The following PCDHA7 variants were observed in gnomAD, a reference collection of about 807,000 sequenced individuals.
PCDHA7 encodes the protein protocadherin alpha-7.
In PCDHA7, 37 loss-of-function variants were observed where a neutral mutation model predicts 57.2. The observed-to-expected ratio is 0.65, with a 90% CI of 0.50 to 0.85. The LOEUF (loss-of-function observed/expected upper bound fraction) is 0.85, where lower values mean the gene tolerates loss of function less well. Among genes scored for constraint, PCDHA7 ranks in the 40% least tolerant of loss-of-function variants. The pLI is 0.00. For synonymous variants in PCDHA7, 553 were observed against 558.8 expected (o/e 0.99, Z 0.15); for missense variants, 1,188 against 1,241.8 (o/e 0.96, Z 0.65).
chr5:140,846,178 G>T (rs2150385394), intron 1 of PCDHA7, among the ~76,000 whole-genome samples: 1 of 149,272 alleles, frequency 6.7e-6, no homozygotes, highest in Non-Finnish European at 1.5e-5. Context: ...GCCTGAGTAG[G>T]CGTTTGAGTT....
intron 1 of PCDHA7, among the ~76,000 whole-genome samples, chr5:140,897,966 T>C (rs1339473229): frequency 5.3e-5 from 8 of 152,276 alleles, no homozygotes; most frequent in African/African-American, 1.9e-4. Flanking sequence ...TTCATGTGTC[T>C]TTTGGCTGCA....
intron 1 of PCDHA7, among the ~76,000 whole-genome samples, chr5:140,942,875 C>A (rs1003014974): frequency 2.0e-5 from 3 of 151,896 alleles, no homozygotes; most frequent in African/African-American, 7.3e-5. Flanking sequence ...AGCATGACAA[C>A]TTTTTTCCTA....
At chr5:140,860,049 G>C (rs2046155952) in intron 1 of PCDHA7, 1 of 151,206 alleles carries the variant, frequency 6.6e-6, no homozygotes, top group Non-Finnish European at 1.5e-5. Context: ...AGCATTTTGA[G>C]AGGCCAAGGT....
intron 1 of PCDHA7, among the ~76,000 whole-genome samples, chr5:140,915,458 G>A (rs1172885235): frequency 6.6e-6 from 1 of 152,126 alleles, no homozygotes; most frequent in Non-Finnish European, 1.5e-5. Context: ...TTTCCAGAAG[G>A]TTTTTATTTG....
chr5:140,916,733 A>G (rs1242424937), intron 1 of PCDHA7, among the ~76,000 whole-genome samples: 1 of 152,146 alleles, frequency 6.6e-6, no homozygotes, highest in Non-Finnish European at 1.5e-5. Flanking sequence ...TTGTTGCTGC[A>G]AGCTTCACTG....
intron 1 of PCDHA7, among the ~76,000 whole-genome samples, chr5:140,932,376 A>G (rs2088262778): frequency 6.6e-6 from 1 of 151,964 alleles, no homozygotes; most frequent in African/African-American, 2.4e-5. Context: ...TTTCCACATG[A>G]AAGTTATACA....
chr5:140,997,133 C>G (rs1554255761), intron 3 of PCDHA7, among the ~76,000 whole-genome samples: 1 of 152,092 alleles, frequency 6.6e-6, no homozygotes, highest in Non-Finnish European at 1.5e-5. Flanking sequence ...ACAATGCCCC[C>G]ACACCCCCGC....
At chr5:140,919,376 CAT>C (rs1245050758) in intron 1 of PCDHA7, among the ~76,000 whole-genome samples, 1 of 152,192 alleles carries the variant, frequency 6.6e-6, no homozygotes, top group Non-Finnish European at 1.5e-5. Context: ...GCAGACAACA[CAT>C]AGTTGGATGT....
intron 1 of PCDHA7, among the ~76,000 whole-genome samples, chr5:140,961,947 G>A (rs1183967245): frequency 6.6e-6 from 1 of 150,956 alleles, no homozygotes; most frequent in Non-Finnish European, 1.5e-5. Flanking sequence ...GCAGTGGCAT[G>A]ATCTCGGCTC....
At chr5:140,941,204 T>TTTCC (rs1348435161) in intron 1 of PCDHA7, among the ~76,000 whole-genome samples, 2 of 88,662 alleles carry the variant, frequency 2.3e-5, no homozygotes, top group Non-Finnish European at 4.4e-5. Flanking sequence ...TCTTTCTTCC[T>TTTCC]TTCTTTCTTC....
At chr5:140,998,906 AG>A (rs1267220398) in intron 3 of PCDHA7, among the ~76,000 whole-genome samples, 10 of 152,208 alleles carry the variant, frequency 6.6e-5, no homozygotes, top group Non-Finnish European at 1.5e-5. Context: ...TGCCTCCGGG[AG>A]GTAGCTATTA....
At position 140,849,713 on chromosome 5, in the gene PCDHA7, G is replaced by A. The variant is rs2150446260; in HGVS notation, c.2355+12975G>A. ...TGTCCACCTACAAGAATTACTACTC[G>A]TTGGTGCTGGACAGAGCTCTGGACC... On this transcript the variant is annotated intron_variant, in intron 1 of 3. Transcript: ENST00000525929. The A allele has an allele frequency of 6.6e-5, 105 of 1,598,450 alleles. 8 individuals carry two copies. Among genetic ancestry groups the A allele is most frequent in the Middle Eastern group, 1.7e-4 (1 of 5,910 alleles).
At chr5:140,992,807 C>G (rs781970284) in intron 3 of PCDHA7, among the ~76,000 whole-genome samples, 6 of 152,108 alleles carry the variant, frequency 3.9e-5, no homozygotes, top group Non-Finnish European at 4.4e-5. Flanking sequence ...CCATATGTAT[C>G]TAAGGATGTG....
rs1781486578 is a variant in PCDHA7, at chr5:140,848,384, T to G, written c.2355+11646T>G. Reference sequence around the variant, plus strand: ...GGAAAGAGGCTCAATTCTTTTTCACTCTCTCTGTGCTGAACGATGGCGAAC... The same window carrying G: ...GGAAAGAGGCTCAATTCTTTTTCACGCTCTCTGTGCTGAACGATGGCGAAC... On this transcript the variant is annotated intron_variant, in intron 1 of 3. Transcript: ENST00000525929. 4 of 1,203,868 alleles carry G rather than the reference T, an allele frequency of 3.3e-6. No homozygotes were observed. In the East Asian group the frequency reaches 9.3e-5, roughly 28 times the overall value. The allele number at this position is 1,203,868 out of a possible 1,614,324, so 74.6% of individuals were successfully genotyped here. A position where few individuals can be genotyped will look rare whatever the true frequency, so the allele number is the denominator to read the frequency against.
At chr5:140,896,706 T>C (rs188797791) in intron 1 of PCDHA7, among the ~76,000 whole-genome samples, 169 of 152,248 alleles carry the variant, frequency 1.1e-3, no homozygotes, top group East Asian at 5.2e-3. Context: ...AGGTTGTTTG[T>C]TTTTTGCTTG....
intron 1 of PCDHA7, chr5:140,929,005 A>G: frequency 6.2e-7 from 1 of 1,614,062 alleles, no homozygotes; most frequent in Non-Finnish European, 8.5e-7. Context: ...CTTCGTGTGT[A>G]CCAAGTTGCA....
chr5:140,927,574 G>T, intron 1 of PCDHA7: 1 of 1,614,168 alleles, frequency 6.2e-7, no homozygotes, highest in Non-Finnish European at 8.5e-7. Flanking sequence ...GGACACAAAT[G>T]ACAACGCGCC....
chr5:140,941,310 C>T (rs1375547519), intron 1 of PCDHA7, among the ~76,000 whole-genome samples: 10 of 79,218 alleles, frequency 1.3e-4, no homozygotes, highest in Non-Finnish European at 1.8e-4. Flanking sequence ...CTTTCTTTTT[C>T]TTCTTTCTCT....
At chr5:140,925,108 G>GGAGGGAA (rs1554202548) in intron 1 of PCDHA7, among the ~76,000 whole-genome samples, 1 of 124,702 alleles carries the variant, frequency 8.0e-6, no homozygotes, top group African/African-American at 3.3e-5. Context: ...GAAGGAAGGA[G>GGAGGGAA]GGAAGGAAGG....
Sources: allele counts gnomAD v4.1 joint callset (sites outside exome capture counted in the v4.1 genomes callset), GRCh38; gene constraint gnomAD v4.1.1; transcripts MANE v1.5; gene names NCBI Gene and HGNC (gene_info 2026-07-23, HGNC 2026-07-21).